The following ZCWPW2 variants were observed in gnomAD, a reference collection of about 807,000 sequenced individuals.
ZCWPW2 encodes zinc finger CW-type PWWP domain protein 2.
ZCWPW2 carries 45 observed loss-of-function variants against 46.6 expected under a neutral mutation model. The ratio of observed to expected loss-of-function variants is 0.96; its 90% confidence interval spans 0.76 to 1.24. The LOEUF (loss-of-function observed/expected upper bound fraction) is 1.24, where lower values mean the gene tolerates loss of function less well. ZCWPW2 is among the 50% of genes most tolerant of loss of function. ZCWPW2 has a pLI of 0.00. For missense variants in ZCWPW2, 429 were observed against 403.9 expected, an observed-to-expected ratio of 1.06 and a Z score of -0.53; for synonymous variants, 152 against 137.1, an observed-to-expected ratio of 1.11 and a Z score of -0.76.
intron 4 of ZCWPW2, among the ~76,000 whole-genome samples, chr3:28,463,816 GTT>G (rs1372424754): frequency 6.6e-6 from 1 of 151,642 alleles, no homozygotes; most frequent in Admixed American, 6.6e-5. Context: ...AGTCCAGACT[GTT>G]CAACAGAGCA....
intron 4 of ZCWPW2, among the ~76,000 whole-genome samples, chr3:28,452,830 CA>C (rs1451796478): frequency 1.3e-5 from 2 of 152,098 alleles, no homozygotes; most frequent in Non-Finnish European, 2.9e-5. Flanking sequence ...ATGCTGAGAA[CA>C]ATAAGGTGGA....
intron 1 of ZCWPW2, among the ~76,000 whole-genome samples, chr3:28,356,029 C>T (rs1025426314): frequency 4.6e-5 from 7 of 152,164 alleles, no homozygotes; most frequent in Admixed American, 6.5e-5. Context: ...AGCTTCTGCA[C>T]AGCAAAAGAA....
intron 3 of ZCWPW2, among the ~76,000 whole-genome samples, chr3:28,431,078 C>T (rs1289029467): frequency 1.3e-5 from 2 of 152,158 alleles, no homozygotes; most frequent in Non-Finnish European, 2.9e-5. Flanking sequence ...TAATAACCTA[C>T]AGTCCTCAAA....
chr3:28,463,078 C>T (rs1300882594), intron 4 of ZCWPW2, among the ~76,000 whole-genome samples: 1 of 152,178 alleles, frequency 6.6e-6, no homozygotes, highest in African/African-American at 2.4e-5. Context: ...TCAAACCTCA[C>T]TCTTGCTCCA....
At chr3:28,396,898 G>A (rs747854292) in intron 2 of ZCWPW2, among the ~76,000 whole-genome samples, 3 of 152,172 alleles carry the variant, frequency 2.0e-5, no homozygotes, top group African/African-American at 7.2e-5. Flanking sequence ...GGAGGCTGAG[G>A]TGGATGGATT....
At chr3:28,364,616 A>G (rs1414156118) in intron 1 of ZCWPW2, among the ~76,000 whole-genome samples, 6 of 151,936 alleles carry the variant, frequency 3.9e-5, no homozygotes. Flanking sequence ...GCTAACATCT[A>G]TTATTTTTTA....
intron 3 of ZCWPW2, among the ~76,000 whole-genome samples, chr3:28,413,855 C>G (rs1696514399): frequency 6.6e-6 from 1 of 152,070 alleles, no homozygotes; most frequent in Non-Finnish European, 1.5e-5. Flanking sequence ...GTATGGCCCA[C>G]CATACCTTCT....
At chr3:28,448,384 A>G (rs892307296) in intron 4 of ZCWPW2, among the ~76,000 whole-genome samples, 1 of 152,206 alleles carries the variant, frequency 6.6e-6, no homozygotes, top group Non-Finnish European at 1.5e-5. Flanking sequence ...AAGGAGATCA[A>G]ATACTTGTAC....
intron 1 of ZCWPW2, among the ~76,000 whole-genome samples, chr3:28,372,324 A>T (rs1201017217): frequency 8.5e-5 from 13 of 152,206 alleles, no homozygotes; most frequent in Non-Finnish European, 1.6e-4. Context: ...ATATAAAGAC[A>T]TGGAAGTTTT....
chr3:28,374,788 C>T (rs1255749317), intron 1 of ZCWPW2, among the ~76,000 whole-genome samples: 1 of 152,020 alleles, frequency 6.6e-6, no homozygotes, highest in South Asian at 2.1e-4. Flanking sequence ...TCACCGTTGG[C>T]ATATATAAAT....
intron 3 of ZCWPW2, among the ~76,000 whole-genome samples, chr3:28,423,859 T>C (rs992564742): frequency 2.0e-5 from 3 of 152,046 alleles, no homozygotes; most frequent in African/African-American, 7.2e-5. Context: ...CCCTCCTTCC[T>C]CTCAAATAGA....
At chr3:28,455,710 C>T (rs890031905) in intron 4 of ZCWPW2, among the ~76,000 whole-genome samples, 1 of 152,094 alleles carries the variant, frequency 6.6e-6, no homozygotes, top group African/African-American at 2.4e-5. Flanking sequence ...TATGGCTAGC[C>T]AGTTCTCCCA....
chr3:28,476,843 A>G (rs1381298077), intron 4 of ZCWPW2, among the ~76,000 whole-genome samples: 1 of 152,150 alleles, frequency 6.6e-6, no homozygotes, highest in African/African-American at 2.4e-5. Context: ...TAAGGAGCAC[A>G]CAACCTAGAT....
intron 3 of ZCWPW2, among the ~76,000 whole-genome samples, chr3:28,427,351 A>G (rs1420132994): frequency 6.6e-6 from 1 of 152,202 alleles, no homozygotes; most frequent in Non-Finnish European, 1.5e-5. Flanking sequence ...AAGATGATGA[A>G]TGTAGGAGAT....
chr3:28,510,695 A>G (rs1351685212), intron 6 of ZCWPW2, among the ~76,000 whole-genome samples: 2 of 152,118 alleles, frequency 1.3e-5, no homozygotes, highest in East Asian at 3.9e-4. Context: ...AGCCAACCCT[A>G]GACCTACAGG....
rs372889802 is a variant in ZCWPW2, at chr3:28,454,091, G to A, written c.492+18822G>A. The stretch of plus-strand genomic sequence containing the variant: ...GATCTCCTGACCTCGTGATCCGCCC[G>A]CCTCGGCCTCCCAAAGTGCTGGGAT... On this transcript the variant is annotated intron_variant, in intron 4 of 9. Coordinates refer to ENST00000383768, the MANE Select transcript of ZCWPW2 (RefSeq NM_001040432.4). Among the ~76,000 whole-genome samples, 89 of 151,998 alleles carry A rather than the reference G, an allele frequency of 5.9e-4. 1 individual carries two copies. In the South Asian group the frequency reaches 7.3e-3, roughly 12 times the overall value.
rs1704402419 is a variant in ZCWPW2 at position 28,348,928 on chromosome 3, G to C, written c.-409G>C. 1 of 984,566 alleles carries C rather than the reference G, an allele frequency of 1.0e-6. No homozygotes were observed. Among genetic ancestry groups the C allele is most frequent in the Non-Finnish European group, 1.2e-6 (1 of 829,100 alleles). 61.0% of individuals were successfully genotyped at this position (984,566 alleles called of 1,614,324 possible). A position where few individuals can be genotyped will look rare whatever the true frequency, so the allele number is the denominator to read the frequency against. On this transcript the variant is annotated 5_prime_UTR_variant, in exon 1 of 10. Coordinates refer to ENST00000383768, the MANE Select transcript of ZCWPW2 (RefSeq NM_001040432.4). ...CCGCCGTCGGGACCAGCACGGGCCG[G>C]AGGGAGGGGAAGCACTCCGGAAAGT...
chr3:28,480,463 C>T (rs1417216530), intron 5 of ZCWPW2, among the ~76,000 whole-genome samples: 4 of 151,612 alleles, frequency 2.6e-5, no homozygotes, highest in Non-Finnish European at 5.9e-5. Flanking sequence ...GGATATTAGA[C>T]CTTTGTCAGA....
In ZCWPW2 at chr3:28,384,359, C is replaced by T. The variant is rs546803065; in HGVS notation, c.-133-6139C>T. 2.6e-3 allele frequency among the ~76,000 whole-genome samples: 398 copies of T among 152,200 alleles called. 1 individual carries two copies. The highest frequency in any genetic ancestry group is 0.01 in the Middle Eastern group (3 of 294). ...TTTATACTAAATAAAATTAGTCTTA[C>T]TAGAAAATTTTTTAAAAATATTCTA... On this transcript the variant is annotated intron_variant, in intron 1 of 9. Transcript: ENST00000383768.
Sources: gnomAD v4.1 joint callset for allele counts (sites outside exome capture counted in the v4.1 genomes callset) on GRCh38, gnomAD v4.1.1 for gene constraint, MANE v1.5 for transcripts, NCBI Gene and HGNC (gene_info 2026-07-23, HGNC 2026-07-21) for gene names.